The following HACD2 variants were observed in gnomAD, a reference collection of about 807,000 sequenced individuals.
HACD2 encodes the protein 3-hydroxyacyl-CoA dehydratase 2, also known as very-long-chain (3R)-3-hydroxyacyl-CoA dehydratase 2.
In HACD2, 15 loss-of-function variants were observed where a neutral mutation model predicts 31.0. The ratio of observed to expected loss-of-function variants is 0.48; its 90% confidence interval spans 0.32 to 0.75. The LOEUF (loss-of-function observed/expected upper bound fraction) is 0.75. Ranked by LOEUF, HACD2 falls within the 30% of genes least tolerant of loss-of-function variation. The pLI is 0.03. For synonymous variants in HACD2, 115 were observed against 122.2 expected (o/e 0.94, Z 0.39); for missense variants, 283 against 313.0 (o/e 0.90, Z 0.72).
At chr3:123,514,468 C>A (rs1032687141) in intron 4 of HACD2, among the ~76,000 whole-genome samples, 9 of 151,984 alleles carry the variant, frequency 5.9e-5, no homozygotes, top group African/African-American at 2.2e-4. Context: ...TCCGGGGGTA[C>A]AATGAGAAGG....
chr3:123,530,177 A>G (rs1299361316), intron 3 of HACD2, among the ~76,000 whole-genome samples: 1 of 152,172 alleles, frequency 6.6e-6, no homozygotes, highest in Non-Finnish European at 1.5e-5. Context: ...ATATAGAGGA[A>G]GCCTTTGATT....
chr3:123,524,707 T>C (rs1020961380), intron 4 of HACD2, among the ~76,000 whole-genome samples: 1 of 152,244 alleles, frequency 6.6e-6, no homozygotes, highest in East Asian at 1.9e-4. Flanking sequence ...GGTCTCACTA[T>C]GTTGCCCCAG....
At chr3:123,558,116 C>T (rs2056691292) in intron 3 of HACD2, among the ~76,000 whole-genome samples, 1 of 152,118 alleles carries the variant, frequency 6.6e-6, no homozygotes, top group African/African-American at 2.4e-5. Flanking sequence ...GGCTATCAAG[C>T]CATGAAAAGA....
intron 2 of HACD2, among the ~76,000 whole-genome samples, chr3:123,575,224 C>G (rs1472584522): frequency 6.6e-6 from 1 of 152,022 alleles, no homozygotes; most frequent in East Asian, 1.9e-4. Context: ...ATTCTCCTGC[C>G]TTAGCCTCCC....
At chr3:123,569,613 T>C (rs1042333512) in intron 2 of HACD2, among the ~76,000 whole-genome samples, 8 of 152,104 alleles carry the variant, frequency 5.3e-5, no homozygotes, top group African/African-American at 1.9e-4. Flanking sequence ...CCGCCAGCCT[T>C]GGCCTCCTAA....
At chr3:123,575,610 A>G (rs969219072) in intron 2 of HACD2, among the ~76,000 whole-genome samples, 1 of 152,216 alleles carries the variant, frequency 6.6e-6, no homozygotes, top group Non-Finnish European at 1.5e-5. Context: ...AACTACTCTG[A>G]TTAAAGTTAA....
chr3:123,584,068 C>A (rs2056995770), intron 1 of HACD2, among the ~76,000 whole-genome samples: 1 of 152,164 alleles, frequency 6.6e-6, no homozygotes, highest in Non-Finnish European at 1.5e-5. Context: ...TAAAGAATTG[C>A]AGAGCTGAAG....
chr3:123,496,170 C>A (rs762130171), intron 6 of HACD2, among the ~76,000 whole-genome samples: 9 of 152,090 alleles, frequency 5.9e-5, no homozygotes, highest in Non-Finnish European at 1.2e-4. Flanking sequence ...ACTACAGGTG[C>A]ACACCACTTC....
intron 4 of HACD2, among the ~76,000 whole-genome samples, chr3:123,516,937 C>T (rs142353696): frequency 6.6e-6 from 1 of 152,366 alleles, no homozygotes; most frequent in East Asian, 1.9e-4. Flanking sequence ...TCAAACAGAT[C>T]TCCAGACTTC....
intron 3 of HACD2, among the ~76,000 whole-genome samples, chr3:123,564,044 G>GCTA (rs1173665283): frequency 6.6e-6 from 1 of 152,226 alleles, no homozygotes; most frequent in Non-Finnish European, 1.5e-5. Flanking sequence ...TGACTGCCTG[G>GCTA]CTACAGGCAT....
At chr3:123,512,423 G>A (rs1046906770) in intron 4 of HACD2, among the ~76,000 whole-genome samples, 6 of 152,090 alleles carry the variant, frequency 3.9e-5, no homozygotes, top group African/African-American at 7.2e-5. Context: ...CCTGAGACTC[G>A]CCTCTTTCCC....
At chr3:123,509,459 AT>A (rs1232466420) in intron 4 of HACD2, among the ~76,000 whole-genome samples, 3 of 151,402 alleles carry the variant, frequency 2.0e-5, no homozygotes, top group African/African-American at 7.3e-5. Flanking sequence ...AACCTCTGTT[AT>A]AGATTCATTG....
At chr3:123,561,894 C>T (rs1340385238) in intron 3 of HACD2, among the ~76,000 whole-genome samples, 1 of 152,164 alleles carries the variant, frequency 6.6e-6, no homozygotes, top group African/African-American at 2.4e-5. Context: ...TCATTGCAAC[C>T]TCCGCCTCCT....
intron 3 of HACD2, among the ~76,000 whole-genome samples, chr3:123,530,636 T>C (rs1284828140): frequency 1.3e-5 from 2 of 152,166 alleles, no homozygotes; most frequent in Non-Finnish European, 2.9e-5. Flanking sequence ...CTCGATCTCC[T>C]GACCTTGTGA....
At chr3:123,573,530 G>T (rs747937942) in intron 2 of HACD2, among the ~76,000 whole-genome samples, 1 of 152,168 alleles carries the variant, frequency 6.6e-6, no homozygotes, top group African/African-American at 2.4e-5. Context: ...TTTCTTCTAA[G>T]ACAGCCCATC....
intron 3 of HACD2, among the ~76,000 whole-genome samples, chr3:123,558,265 C>A (rs1027247009): frequency 6.6e-6 from 1 of 152,100 alleles, no homozygotes; most frequent in African/African-American, 2.4e-5. Context: ...GGGGGATAAA[C>A]AGGTAGAGTA....
chr3:123,544,015 C>G (rs1054315740), intron 3 of HACD2, among the ~76,000 whole-genome samples: 1 of 152,060 alleles, frequency 6.6e-6, no homozygotes, highest in South Asian at 2.1e-4. Flanking sequence ...GGCAAAAGAT[C>G]CAAGAAGGAT....
At chr3:123,502,209 A>C (rs1381835218) in intron 5 of HACD2, among the ~76,000 whole-genome samples, 3 of 152,248 alleles carry the variant, frequency 2.0e-5, no homozygotes, top group African/African-American at 7.2e-5. Context: ...CAATGGCAGA[A>C]GCTCATCAGT....
intron 1 of HACD2, among the ~76,000 whole-genome samples, chr3:123,583,407 T>A (rs908457371): frequency 5.9e-5 from 9 of 152,202 alleles, no homozygotes; most frequent in Non-Finnish European, 1.2e-4. Context: ...TAAATATTAA[T>A]ACACACAGTG....
Sources: allele counts gnomAD v4.1 joint callset (sites outside exome capture counted in the v4.1 genomes callset), GRCh38; gene constraint gnomAD v4.1.1; transcripts MANE v1.5; gene names NCBI Gene and HGNC (gene_info 2026-07-23, HGNC 2026-07-21).